Variants in KLHL4 observed in about 807,000 individuals in gnomAD.
The protein encoded by KLHL4 is kelch like family member 4, also known as kelch-like protein 4.
KLHL4 carries 17 observed loss-of-function variants against 45.8 expected under a neutral mutation model. The ratio of observed to expected loss-of-function variants is 0.37; its 90% CI spans 0.25 to 0.56. KLHL4 has a LOEUF of 0.56. Ranked by LOEUF, KLHL4 falls within the 20% of genes least tolerant of loss-of-function variation. The pLI is 0.79. For missense variants in KLHL4, 544 were observed against 544.9 expected (o/e 1.00, Z 0.02); for synonymous variants, 224 against 189.9 (o/e 1.18, Z -1.47).
Position 87,667,068 on chromosome X carries a change from A to G in KLHL4, c.*534A>G. 1.4e-6 allele frequency: 1 copy of G among 715,714 alleles called. No individual in the cohort carries two copies. The highest frequency in any genetic ancestry group is 1.6e-6 in the Non-Finnish European group (1 of 617,936). 59.0% of individuals were successfully genotyped at this position (715,714 alleles called of 1,213,427 possible). On this transcript the variant is annotated 3_prime_UTR_variant, in exon 11 of 11. Coordinates refer to ENST00000373119, the MANE Select transcript of KLHL4 (RefSeq NM_019117.5). ...CAATTCCTTACATTTACCAAGAGGA[A>G]AGCTTTTACTGTGTTGAAGCTAAAA...
In KLHL4 at chrX:87,667,324, A is replaced by C; in HGVS notation, c.*790A>C. 1 of 701,825 alleles carries C rather than the reference A, an allele frequency of 1.4e-6. No individual in the cohort carries two copies. Among genetic ancestry groups the C allele is most frequent in the Non-Finnish European group, 1.7e-6 (1 of 591,378 alleles). The allele number at this position is 701,825 out of a possible 1,213,427, so 57.8% of individuals were successfully genotyped here. On this transcript the variant is annotated 3_prime_UTR_variant, in exon 11 of 11. Coordinates refer to ENST00000373119, the MANE Select transcript of KLHL4 (RefSeq NM_019117.5). Reference sequence around the variant, plus strand: ...ACTGTGACCTCAGCTTCAGAGTGTCAGGGCCTCACTTGTATAGAATGTAAT... The same window carrying C: ...ACTGTGACCTCAGCTTCAGAGTGTCCGGGCCTCACTTGTATAGAATGTAAT...
At chrX:87,598,484 T>A (rs1199299828) in intron 1 of KLHL4, among the ~76,000 whole-genome samples, 1 of 111,522 alleles carries the variant, frequency 9.0e-6, no homozygotes, top group East Asian at 2.8e-4. Flanking sequence ...TGGTCATAGG[T>A]CTTTTTAGAG....
chrX:87,565,685 CAA>C lies in KLHL4; in HGVS notation c.422+47397_422+47398del, dbSNP rs748577568. Reference sequence around the variant, plus strand: ...AGGTTGCAGTGAGCCGTGATTGTGCCAAAAAAAAAAAAAAAAAAAAAAAAAAA... The same window carrying C: ...AGGTTGCAGTGAGCCGTGATTGTGCCAAAAAAAAAAAAAAAAAAAAAAAAA... On this transcript the variant is annotated intron_variant, in intron 1 of 10. Transcript: ENST00000373119. 8.6e-3 allele frequency among the ~76,000 whole-genome samples: 225 copies of C among 26,251 alleles called. 3 individuals carry two copies. In the South Asian group the frequency reaches 0.1, roughly 12 times the overall value. The allele number at this position is 26,251 out of a possible 115,157, so 22.8% of individuals were successfully genotyped here.
chrX:87,530,282 T>A (rs1242093214), intron 1 of KLHL4, among the ~76,000 whole-genome samples: 4 of 109,729 alleles, frequency 3.6e-5, no homozygotes, highest in African/African-American at 1.3e-4. Context: ...TTTTTTTTTT[T>A]ATTATACTTT....
At chrX:87,549,189 G>T (rs1931753773) in intron 1 of KLHL4, among the ~76,000 whole-genome samples, 1 of 110,644 alleles carries the variant, frequency 9.0e-6, no homozygotes, top group Admixed American at 9.7e-5. Context: ...ACTACATAAT[G>T]ATAAAATGAT....
intron 9 of KLHL4, 26 bp downstream of exon 9, chrX:87,635,801 A>G (rs780523432): frequency 4.8e-6 from 5 of 1,037,805 alleles, no homozygotes; most frequent in East Asian, 3.1e-5. Flanking sequence ...TTCCTTCTGT[A>G]TGTAATTATT....
intron 1 of KLHL4, among the ~76,000 whole-genome samples, chrX:87,530,036 G>C (rs1266024524): frequency 9.0e-6 from 1 of 111,282 alleles, no homozygotes; most frequent in Middle Eastern, 4.3e-3. Context: ...TTTGTCAGAT[G>C]AGTAGGTTGC....
chrX:87,585,030 A>G (rs1272996310), intron 1 of KLHL4, among the ~76,000 whole-genome samples: 1 of 111,426 alleles, frequency 9.0e-6, no homozygotes, highest in Non-Finnish European at 1.9e-5. Flanking sequence ...CTGGCAGCAC[A>G]CTTTTCAGTG....
At chrX:87,654,915 C>T (rs1923938130) in intron 9 of KLHL4, among the ~76,000 whole-genome samples, 1 of 111,690 alleles carries the variant, frequency 9.0e-6, no homozygotes, top group Admixed American at 9.6e-5. Flanking sequence ...AGCATTTTTG[C>T]ATATGCTTTT....
At chrX:87,555,425 C>T (rs139054025) in intron 1 of KLHL4, among the ~76,000 whole-genome samples, 3,786 of 111,343 alleles carry the variant, frequency 0.034, 68 homozygotes, top group Non-Finnish European at 0.052. Flanking sequence ...AGAGAGTCAA[C>T]TTCTTCCTGT....
intron 1 of KLHL4, among the ~76,000 whole-genome samples, chrX:87,566,714 C>T (rs751223822): frequency 5.4e-5 from 6 of 111,460 alleles, no homozygotes; most frequent in East Asian, 5.7e-4. Flanking sequence ...CCGAATCTAG[C>T]GTCATAGTAA....
chrX:87,563,883 G>C (rs919836212), intron 1 of KLHL4, among the ~76,000 whole-genome samples: 1 of 110,599 alleles, frequency 9.0e-6, no homozygotes, highest in African/African-American at 3.3e-5. Flanking sequence ...ACACATGAAG[G>C]ATTCTTAATA....
intron 9 of KLHL4, among the ~76,000 whole-genome samples, chrX:87,655,573 G>C (rs1336192893): frequency 1.8e-5 from 2 of 111,112 alleles, no homozygotes; most frequent in African/African-American, 3.3e-5. Context: ...AAGTCTCCAA[G>C]TGTCTTTATC....
At chrX:87,625,136 T>G (rs1229670512) in intron 5 of KLHL4, among the ~76,000 whole-genome samples, 1 of 112,899 alleles carries the variant, frequency 8.9e-6, no homozygotes. Flanking sequence ...AAATTATATG[T>G]GTACATATTC....
chrX:87,569,817 G>A (rs1226065303), intron 1 of KLHL4, among the ~76,000 whole-genome samples: 2 of 111,474 alleles, frequency 1.8e-5, no homozygotes, highest in Non-Finnish European at 3.8e-5. Flanking sequence ...TGAAGGATAG[G>A]GAGAGAGATG....
intron 1 of KLHL4, among the ~76,000 whole-genome samples, chrX:87,570,872 T>C (rs901233175): frequency 9.0e-6 from 1 of 110,534 alleles, no homozygotes; most frequent in Non-Finnish European, 1.9e-5. Context: ...AAATGGAATT[T>C]GGCAGTATGT....
intron 1 of KLHL4, among the ~76,000 whole-genome samples, chrX:87,550,133 G>T (rs905101559): frequency 3.6e-5 from 4 of 111,085 alleles, no homozygotes; most frequent in Non-Finnish European, 7.6e-5. Context: ...GACACTAAAT[G>T]CCAATAAATT....
chrX:87,523,966 A>C lies in KLHL4; in HGVS notation c.422+5651A>C, dbSNP rs368884466. ...CGACAGAGTGAAACTCCGTCTCAAA[A>C]AAATAAATAAATAAAAATAAATAAA... On this transcript the variant is annotated intron_variant, in intron 1 of 10. Coordinates refer to ENST00000373119, the MANE Select transcript of KLHL4 (RefSeq NM_019117.5). Among the ~76,000 whole-genome samples the C allele has an allele frequency of 4.1e-3, 458 of 111,285 alleles. 4 individuals are homozygous for C. Among genetic ancestry groups the C allele is most frequent in the African/African-American group, 0.014 (419 of 30,610 alleles).
intron 1 of KLHL4, among the ~76,000 whole-genome samples, chrX:87,612,766 G>A (rs1602443989): frequency 9.0e-6 from 1 of 111,474 alleles, no homozygotes; most frequent in African/African-American, 3.3e-5. Flanking sequence ...CAGCACTTTG[G>A]GAGCTAAGCT....
Sources: gnomAD v4.1 joint callset for allele counts (sites outside exome capture counted in the v4.1 genomes callset) on GRCh38, gnomAD v4.1.1 for gene constraint, MANE v1.5 for transcripts, NCBI Gene and HGNC (gene_info 2026-07-23, HGNC 2026-07-21) for gene names.